The following WNT5A variants were observed in gnomAD, a reference collection of about 807,000 sequenced individuals.
The protein encoded by WNT5A is Wnt family member 5A.
A neutral mutation model predicts 42.1 loss-of-function variants in WNT5A; 9 were observed. The observed-to-expected ratio is 0.21, with a 90% CI of 0.13 to 0.37. WNT5A has a LOEUF of 0.37. Among genes scored for constraint, WNT5A ranks in the 10% least tolerant of loss-of-function variants. The probability of loss-of-function intolerance (pLI) is 1.00; values close to 1 mark genes in which losing one functional copy is unlikely to be tolerated. For missense variants in WNT5A, 426 were observed against 534.0 expected, an observed-to-expected ratio of 0.80 and a Z score of 1.99; for synonymous variants, 210 against 210.0, an observed-to-expected ratio of 1.00 and a Z score of 0.00.
chr3:55,469,623 A>G lies in WNT5A; in HGVS notation c.*469T>C, dbSNP rs1010987586. On this transcript the variant is annotated 3_prime_UTR_variant, in exon 5 of 5. Transcript: ENST00000264634. The stretch of plus-strand genomic sequence containing the variant: ...TTGTTTTGTTTTCCCAAGACCTTTT[A>G]TCTTGCACCAGAGAATTTACAACTC... The G allele has an allele frequency of 6.5e-6, 1 of 153,816 alleles. No homozygotes were observed. The highest frequency in any genetic ancestry group is 2.4e-5 in the African/African-American group (1 of 41,440). 9.5% of individuals were successfully genotyped at this position (153,816 alleles called of 1,614,324 possible).
upstream of WNT5A, among the ~76,000 whole-genome samples, chr3:55,495,255 A>T (rs922768942): frequency 1.3e-5 from 2 of 152,218 alleles, no homozygotes; most frequent in African/African-American, 4.8e-5. Context: ...TATTAACTAT[A>T]GTCACCATAT....
At chr3:55,493,632 G>A (rs1357810284), upstream of WNT5A, among the ~76,000 whole-genome samples, 1 of 152,242 alleles carries the variant, frequency 6.6e-6, no homozygotes, top group Non-Finnish European at 1.5e-5. Flanking sequence ...CAGAGAACGT[G>A]TTCTAAATAA....
intron 2 of WNT5A, 113 bp from the exon 3 acceptor site, chr3:55,479,677 G>T: frequency 1.5e-6 from 2 of 1,360,940 alleles, no homozygotes; most frequent in Non-Finnish European, 2.0e-6. Flanking sequence ...TTTCTCTCCT[G>T]CTTGTCCTCA....
At chr3:55,479,184 T>C in intron 3 of WNT5A, 130 bp downstream of exon 3, 1 of 1,018,692 alleles carries the variant, frequency 9.8e-7, no homozygotes, top group African/African-American at 1.6e-5. Flanking sequence ...ATGACAAAAA[T>C]GCCCAAGCCA....
chr3:55,500,427 A>G, the WNT5A span, among the ~76,000 whole-genome samples: 4 of 152,250 alleles, frequency 2.6e-5, no homozygotes, highest in African/African-American at 7.2e-5. Flanking sequence ...TTGGTTCACT[A>G]AGAACTAGCA....
the WNT5A span, among the ~76,000 whole-genome samples, chr3:55,496,955 T>C: frequency 1.3e-5 from 2 of 152,256 alleles, no homozygotes; most frequent in African/African-American, 4.8e-5. Context: ...ATTCATCCCG[T>C]TGTTTGCTCC....
At chr3:55,476,524 G>T (rs1052571479) in intron 3 of WNT5A, among the ~76,000 whole-genome samples, 1 of 152,134 alleles carries the variant, frequency 6.6e-6, no homozygotes, top group Non-Finnish European at 1.5e-5. Context: ...AAGAGGAGAT[G>T]AAATGATCCT....
intron 4 of WNT5A, among the ~76,000 whole-genome samples, chr3:55,472,335 C>T (rs112516470): frequency 0.017 from 2,650 of 152,298 alleles, 84 homozygotes; most frequent in African/African-American, 0.06. Context: ...TGAGAGAAGG[C>T]TAAGAAAGTC....
Position 55,465,842 on chromosome 3 carries a change from C to A in WNT5A, c.*4250G>T, listed in dbSNP as rs2051133969. On this transcript the variant is annotated 3_prime_UTR_variant, in exon 5 of 5. Coordinates refer to ENST00000264634, the MANE Select transcript of WNT5A (RefSeq NM_003392.7). ...AATGGTCTAAGATGCAATTTTCCTC[C>A]ATTCCTTTTTTGCTTTTAAAATACT... The A allele has an allele frequency of 6.6e-6, 1 of 152,030 alleles. No homozygotes were observed. The highest frequency in any genetic ancestry group is 1.5e-5 in the Non-Finnish European group (1 of 67,992). 9.4% of individuals were successfully genotyped at this position (152,030 alleles called of 1,614,324 possible). A position where few individuals can be genotyped will look rare whatever the true frequency, so the allele number is the denominator to read the frequency against.
chr3:55,487,048 A>G lies in WNT5A; in HGVS notation c.-63T>C. ...CGAGCGAGCGCAGCCGAGGAATCCG[A>G]GCGGAGCGACCGGGTTAAGCCTGGG... On this transcript the variant is annotated 5_prime_UTR_variant, in exon 1 of 5. Coordinates refer to ENST00000264634, the MANE Select transcript of WNT5A (RefSeq NM_003392.7). 6.4e-7 allele frequency: 1 copy of G among 1,565,022 alleles called. No homozygotes were observed.
At chr3:55,499,842 G>A in the WNT5A span, among the ~76,000 whole-genome samples, 1 of 152,006 alleles carries the variant, frequency 6.6e-6, no homozygotes, top group Non-Finnish European at 1.5e-5. Context: ...GCACTTGGTG[G>A]CATGCGCCTG....
At chr3:55,499,995 A>T in the WNT5A span, among the ~76,000 whole-genome samples, 1 of 136,706 alleles carries the variant, frequency 7.3e-6, no homozygotes, top group Non-Finnish European at 1.6e-5. Context: ...AAAAAAAAAA[A>T]TTAAATTAAA....
rs2051597404 is a variant in WNT5A at position 55,487,304 on chromosome 3, G to C, written c.-319C>G. 7.4e-6 allele frequency: 3 copies of C among 405,252 alleles called. No homozygotes were observed. The South Asian group carries it at 1.9e-4, about 26-fold the overall frequency. The allele number at this position is 405,252 out of a possible 1,614,324, so 25.1% of individuals were successfully genotyped here. ...GTCCGGCGAGGGCGCGCAGGCAACT[G>C]TTCCACGGAGAGGCGCTCCGTTTCC... On this transcript the variant is annotated 5_prime_UTR_variant, in exon 1 of 5. Coordinates refer to ENST00000264634, the MANE Select transcript of WNT5A (RefSeq NM_003392.7).
chr3:55,488,009 C>A, upstream of WNT5A: 1 of 152,240 alleles, frequency 6.6e-6, no homozygotes, highest in East Asian at 1.9e-4. Context: ...CGAAGAGCAG[C>A]GAGTGCACCG....
At chr3:55,493,085 T>C (rs1287141726), upstream of WNT5A, among the ~76,000 whole-genome samples, 1 of 152,196 alleles carries the variant, frequency 6.6e-6, no homozygotes, top group Non-Finnish European at 1.5e-5. Flanking sequence ...CCATCCATAC[T>C]CAGCAATTTA....
At chr3:55,488,459 A>G (rs978614418), upstream of WNT5A, among the ~76,000 whole-genome samples, 5 of 151,424 alleles carry the variant, frequency 3.3e-5, no homozygotes, top group African/African-American at 1.2e-4. Flanking sequence ...AGTTCTTTAA[A>G]GTTTCAGAAC....
chr3:55,473,911 A>C (rs2051298349), intron 4 of WNT5A, among the ~76,000 whole-genome samples: 1 of 152,238 alleles, frequency 6.6e-6, no homozygotes, highest in Non-Finnish European at 1.5e-5. Flanking sequence ...TCCAGTAGCC[A>C]AAGGTACCAG....
rs532135517 is a variant in WNT5A, at chr3:55,478,922, C to T, written c.391+392G>A. The stretch of plus-strand genomic sequence containing the variant: ...GCAACTTTTAGTTCGATGCTCGGGC[C>T]GTTTCAATTGTGGCTTAAAAAACTA... On this transcript the variant is annotated intron_variant, in intron 3 of 4. Transcript: ENST00000264634. 1.7e-3 allele frequency: 264 copies of T among 155,750 alleles called. 1 individual carries two copies. The highest frequency in any genetic ancestry group is 3.0e-3 in the Non-Finnish European group (211 of 70,662). 9.6% of individuals were successfully genotyped at this position (155,750 alleles called of 1,614,324 possible).
At chr3:55,482,746 A>G (rs1459246312) in intron 1 of WNT5A, among the ~76,000 whole-genome samples, 1 of 152,176 alleles carries the variant, frequency 6.6e-6, no homozygotes, top group African/African-American at 2.4e-5. Context: ...GCTAGGAGAG[A>G]GAAGGCTCCG....
Sources: gnomAD v4.1 joint callset for allele counts (sites outside exome capture counted in the v4.1 genomes callset) on GRCh38, gnomAD v4.1.1 for gene constraint, MANE v1.5 for transcripts, NCBI Gene and HGNC (gene_info 2026-07-23, HGNC 2026-07-21) for gene names.